Variants in TOR1AIP1 observed in about 807,000 individuals in gnomAD.
TOR1AIP1 encodes torsin 1A interacting protein 1, also known as torsin-1A-interacting protein 1.
In TOR1AIP1, 54 loss-of-function variants were observed where a neutral mutation model predicts 63.3. The ratio of observed to expected loss-of-function variants is 0.85; its 90% confidence interval spans 0.69 to 1.07. The LOEUF (loss-of-function observed/expected upper bound fraction) is 1.07, where lower values mean the gene tolerates loss of function less well. TOR1AIP1 is among the 50% of genes least tolerant of loss of function. The pLI, the probability that TOR1AIP1 is intolerant of heterozygous loss-of-function variation, is 0.00. For missense variants in TOR1AIP1, 736 were observed against 715.0 expected, an observed-to-expected ratio of 1.03 and a Z score of -0.33; for synonymous variants, 294 against 273.5, an observed-to-expected ratio of 1.07 and a Z score of -0.74.
Position 179,895,728 on chromosome 1 carries a change from C to T in TOR1AIP1, c.611-4398C>T, listed in dbSNP as rs542601966. On this transcript the variant is annotated intron_variant, in intron 3 of 9. Coordinates refer to ENST00000606911, the MANE Select transcript of TOR1AIP1 (RefSeq NM_015602.4). ...CAGCCTGGCCAACATGGCGAAACCCCGTCTCTACTAAAAATACAAAAATTA... is the reference window on the plus strand; with the variant it reads ...CAGCCTGGCCAACATGGCGAAACCCTGTCTCTACTAAAAATACAAAAATTA... 5.3e-5 allele frequency among the ~76,000 whole-genome samples: 8 copies of T among 152,212 alleles called. No homozygotes were observed. The South Asian group carries it at 8.3e-4, about 16-fold the overall frequency.
chr1:179,894,503 A>G (rs546964861), intron 3 of TOR1AIP1, among the ~76,000 whole-genome samples: 55 of 152,172 alleles, frequency 3.6e-4, no homozygotes, highest in African/African-American at 1.2e-3. Flanking sequence ...CCTGGCCAAC[A>G]TGGTGAAACC....
In TOR1AIP1 at chr1:179,884,763, G is replaced by C. The variant is rs1647864840; in HGVS notation, c.547G>C (p.Ala183Pro). ...SKKTVRSIQE[A>P]PVSEDLVIRL... ...GAAAACTGTCAGGAGCATACAAGAG[G>C]CTCCAGGTAAGAATAGTTAACTTTT... Residue 183 changes from alanine (A) to proline (P), a missense_variant, in exon 2 of 10, where the codon GCT (alanine) becomes CCT (proline). Around this residue, in one of 2 missense-constraint regions of TOR1AIP1, gnomAD observed 464 missense variants for 371.0 expected, o/e 1.25. Transcript: ENST00000606911. 4 of 1,606,224 alleles carry C rather than the reference G, an allele frequency of 2.5e-6. No homozygotes were observed. The highest frequency in any genetic ancestry group is 3.4e-6 in the Non-Finnish European group (4 of 1,177,664).
chr1:179,914,185 A>T, intron 9 of TOR1AIP1, 131 bp downstream of exon 9: 2 of 775,416 alleles, frequency 2.6e-6, no homozygotes, highest in Non-Finnish European at 4.2e-6. Context: ...ACTTGAGAGG[A>T]AAAAGTATAT....
intron 9 of TOR1AIP1, among the ~76,000 whole-genome samples, chr1:179,914,896 T>G (rs1050445006): frequency 7.9e-5 from 12 of 152,226 alleles, no homozygotes; most frequent in African/African-American, 2.7e-4. Context: ...AAGAGCTTTT[T>G]GTTGAAAATA....
rs565437419 is a variant in TOR1AIP1, at chr1:179,897,596, C to G, written c.611-2530C>G. ...ATGTAAATCTCCAACATATCCTTTC[C>G]ATTATTATAGATTCTAAAATCTATT... On this transcript the variant is annotated intron_variant, in intron 3 of 9. Transcript: ENST00000606911. Among the ~76,000 whole-genome samples the G allele has an allele frequency of 2.0e-5, 3 of 152,228 alleles. No individual in the cohort carries two copies. In the East Asian group the frequency reaches 5.8e-4, roughly 29 times the overall value.
At chr1:179,908,513 G>C (rs1453002706) in intron 7 of TOR1AIP1, 92 bp from the exon 8 acceptor site, 1 of 1,003,482 alleles carries the variant, frequency 1.0e-6, no homozygotes, top group South Asian at 1.6e-5. Context: ...ACTTTATTTT[G>C]TCTTTCTGAT....
chr1:179,895,051 C>T lies in TOR1AIP1; in HGVS notation c.611-5075C>T, dbSNP rs566012337. ...ATTAATGCTTGGTTTTCACTAGAGG[C>T]GATGACTGTTAAGTGATCTATCTTA... On this transcript the variant is annotated intron_variant, in intron 3 of 9. Coordinates refer to ENST00000606911, the MANE Select transcript of TOR1AIP1 (RefSeq NM_015602.4). 3.3e-5 allele frequency among the ~76,000 whole-genome samples: 5 copies of T among 152,156 alleles called. No individual in the cohort carries two copies. In the South Asian group the frequency reaches 8.3e-4, roughly 25 times the overall value.
intron 2 of TOR1AIP1, among the ~76,000 whole-genome samples, chr1:179,888,159 A>G (rs564318471): frequency 6.6e-6 from 1 of 152,388 alleles, no homozygotes; most frequent in South Asian, 2.1e-4. Flanking sequence ...AACCAAAAAC[A>G]GATTTTAGGT....
chr1:179,919,975 C>A lies in TOR1AIP1; in HGVS notation c.*1736C>A, dbSNP rs1649147068. On this transcript the variant is annotated 3_prime_UTR_variant, in exon 10 of 10. Coordinates refer to ENST00000606911, the MANE Select transcript of TOR1AIP1 (RefSeq NM_015602.4). ...CAAGTAATTTAAAAGTAATATGTTACCTATGTCTTTCAGGAAAAATAATTA... is the reference window on the plus strand; with the variant it reads ...CAAGTAATTTAAAAGTAATATGTTAACTATGTCTTTCAGGAAAAATAATTA... The A allele has an allele frequency of 1.3e-5, 2 of 152,078 alleles. 1 individual carries two copies. Among genetic ancestry groups the A allele is most frequent in the South Asian group, 4.1e-4 (2 of 4,822 alleles). The allele number at this position is 152,078 out of a possible 1,614,324, so 9.4% of individuals were successfully genotyped here.
At chr1:179,908,545 A>C in intron 7 of TOR1AIP1, 60 bp from the exon 8 acceptor site, 1 of 1,345,796 alleles carries the variant, frequency 7.4e-7, no homozygotes, top group South Asian at 1.2e-5. Flanking sequence ...ATAACACTGG[A>C]ATATGGTATA....
intron 6 of TOR1AIP1, among the ~76,000 whole-genome samples, chr1:179,905,213 A>G (rs1158094991): frequency 2.0e-5 from 3 of 152,026 alleles, no homozygotes; most frequent in Non-Finnish European, 4.4e-5. Context: ...CGTCTCTACT[A>G]AAAATATAAA....
chr1:179,907,781 T>A, intron 6 of TOR1AIP1, 42 bp from the exon 7 acceptor site: 1 of 1,500,772 alleles, frequency 6.7e-7, no homozygotes, highest in Non-Finnish European at 9.0e-7. Flanking sequence ...TTTGTTGTTA[T>A]TTTCAAGTAT....
rs1392452658 is a variant in TOR1AIP1 at position 179,917,673 on chromosome 1, A to G, written c.1186A>G (p.Lys396Glu). The change falls in exon 10 of 10, where the codon AAA (lysine) becomes GAA (glutamate). Residue 396 changes from lysine (K) to glutamate (E), a missense_variant. Lys to Glu is a moderately conservative substitution (Grantham distance 56). Around this residue, in one of 2 missense-constraint regions of TOR1AIP1, gnomAD observed 272 missense variants for 344.1 expected, o/e 0.79. Coordinates refer to ENST00000606911, the MANE Select transcript of TOR1AIP1 (RefSeq NM_015602.4). The stretch of plus-strand genomic sequence containing the variant: ...GAAAAGGAGCCAAACATTCCTGGAA[A>G]AACATCTTAATAGCTCCCATCCTCG... ...LWKRSQTFLE[K>E]HLNSSHPRSQ... The G allele has an allele frequency of 9.9e-6, 16 of 1,614,222 alleles. No homozygotes were observed. Among genetic ancestry groups the G allele is most frequent in the Middle Eastern group, 1.6e-4 (1 of 6,062 alleles).
At chr1:179,909,435 G>C (rs900978040) in intron 8 of TOR1AIP1, among the ~76,000 whole-genome samples, 2 of 150,670 alleles carry the variant, frequency 1.3e-5, no homozygotes, top group African/African-American at 2.5e-5. Flanking sequence ...TTTTGAGATG[G>C]AGTCTTGCTG....
At chr1:179,889,481 A>T in intron 3 of TOR1AIP1, 112 bp downstream of exon 3, 1 of 853,834 alleles carries the variant, frequency 1.2e-6, no homozygotes, top group South Asian at 2.6e-5. Context: ...CTGTAAATAT[A>T]CATTAAAAAA....
In TOR1AIP1 at chr1:179,908,599, C is replaced by A; in HGVS notation, c.839-6C>A. Reference sequence around the variant, plus strand: ...AATTATCTTTTGATATATGTATTTGCTTCAGGCTCAGGATATCAAAAAACT... The same window carrying A: ...AATTATCTTTTGATATATGTATTTGATTCAGGCTCAGGATATCAAAAAACT... On this transcript the variant is annotated splice_region_variant and splice_polypyrimidine_tract_variant and intron_variant, in intron 7 of 9. Transcript: ENST00000606911. The A allele has an allele frequency of 6.2e-7, 1 of 1,611,558 alleles. No homozygotes were observed.
rs2148485088 is a variant in TOR1AIP1, at chr1:179,919,700, T to C, written c.*1461T>C. The C allele has an allele frequency of 6.6e-6, 1 of 152,348 alleles. No homozygotes were observed. The highest frequency in any genetic ancestry group is 1.9e-4 in the East Asian group (1 of 5,192). 9.4% of individuals were successfully genotyped at this position (152,348 alleles called of 1,614,324 possible). A position where few individuals can be genotyped will look rare whatever the true frequency, so the allele number is the denominator to read the frequency against. ...AAACCATTAAATGTAAATATTGTTT[T>C]TAGAGTCAGTCATTGGCTTTGTCAT... On this transcript the variant is annotated 3_prime_UTR_variant, in exon 10 of 10. Coordinates refer to ENST00000606911, the MANE Select transcript of TOR1AIP1 (RefSeq NM_015602.4).
At chr1:179,887,480 T>C (rs1173749831) in intron 2 of TOR1AIP1, among the ~76,000 whole-genome samples, 1 of 152,246 alleles carries the variant, frequency 6.6e-6, no homozygotes, top group African/African-American at 2.4e-5. Flanking sequence ...TATCTTGTTA[T>C]TGGAAGACTT....
chr1:179,907,836 A>T lies in TOR1AIP1; in HGVS notation c.810A>T (p.Thr270=), dbSNP rs768504922. The T allele has an allele frequency of 6.3e-7, 1 of 1,591,978 alleles. No homozygotes were observed. Among genetic ancestry groups the T allele is most frequent in the Admixed American group, 1.7e-5 (1 of 57,788 alleles). ...TTTCTGTTTCAGGTCAAAACTTCAC[A>T]GCTCATGATAAGCAACCTTCAGTGC... ...FWQSSQSQNF[T]AHDKQPSVLS... is the part of the protein sequence containing the mutation. The change falls in exon 7 of 10, where the codon ACA becomes ACT. Residue 270 remains threonine (T), a synonymous_variant. Transcript: ENST00000606911.
Sources: gnomAD v4.1 joint callset for allele counts (sites outside exome capture counted in the v4.1 genomes callset) on GRCh38, gnomAD v4.1.1 for gene constraint, gnomAD v4.1.1 regional missense constraint, MANE v1.5 for transcripts, NCBI Gene and HGNC (gene_info 2026-07-23, HGNC 2026-07-21) for gene names.